Variants in GLRA3 observed in about 807,000 individuals in gnomAD.
GLRA3 encodes glycine receptor subunit alpha-3.
In GLRA3, 44 loss-of-function variants were observed where a neutral mutation model predicts 60.4. That is an observed-to-expected ratio of 0.73 (90% CI 0.57 to 0.94). GLRA3 has a LOEUF of 0.94. GLRA3 is among the 40% of genes least tolerant of loss of function. The pLI is 0.00. For synonymous variants in GLRA3, 223 were observed against 192.9 expected, an observed-to-expected ratio of 1.16 and a Z score of -1.29; for missense variants, 508 against 564.6, an observed-to-expected ratio of 0.90 and a Z score of 1.02.
chr4:174,815,284 A>T (rs910807304), intron 1 of GLRA3, among the ~76,000 whole-genome samples: 4 of 151,830 alleles, frequency 2.6e-5, no homozygotes, highest in African/African-American at 9.7e-5. Flanking sequence ...GTATAGCCCC[A>T]CTCCTGGCTG....
In GLRA3 at chr4:174,753,191, C is replaced by T. The variant is rs1243612747; in HGVS notation, c.267+13772G>A. The stretch of plus-strand genomic sequence containing the variant: ...TTGACAGGACACTTGTGGCACAGCC[C>T]CAGGTTCTTGTCAGTCTGGCATGTT... On this transcript the variant is annotated intron_variant, in intron 3 of 9. Transcript: ENST00000274093. 2.6e-5 allele frequency among the ~76,000 whole-genome samples: 4 copies of T among 152,258 alleles called. No homozygotes were observed. In the East Asian group the frequency reaches 7.7e-4, roughly 29 times the overall value.
At chr4:174,646,764 G>C (rs1732835800) in intron 9 of GLRA3, among the ~76,000 whole-genome samples, 1 of 152,144 alleles carries the variant, frequency 6.6e-6, no homozygotes, top group Non-Finnish European at 1.5e-5. Context: ...ATCCTCCTAG[G>C]GGGCTGAGTG....
At chr4:174,667,038 CG>C (rs1364879040) in intron 7 of GLRA3, among the ~76,000 whole-genome samples, 1 of 151,980 alleles carries the variant, frequency 6.6e-6, no homozygotes, top group Non-Finnish European at 1.5e-5. Context: ...TACTTTGAGT[CG>C]AATGCTGACC....
intron 5 of GLRA3, among the ~76,000 whole-genome samples, chr4:174,702,115 G>A (rs1005748585): frequency 2.0e-5 from 3 of 152,104 alleles, no homozygotes; most frequent in African/African-American, 7.2e-5. Context: ...TTAATGAAAG[G>A]AAGAGTCACT....
chr4:174,825,135 A>G (rs1373663862), intron 1 of GLRA3, among the ~76,000 whole-genome samples: 2 of 152,086 alleles, frequency 1.3e-5, no homozygotes, highest in African/African-American at 4.8e-5. Flanking sequence ...ATTTTCAGGG[A>G]AAAAGGGAAG....
intron 7 of GLRA3, among the ~76,000 whole-genome samples, chr4:174,670,812 T>A (rs999867718): frequency 6.6e-6 from 1 of 152,120 alleles, no homozygotes; most frequent in South Asian, 2.1e-4. Flanking sequence ...GGTCCTAAGA[T>A]GAAATGTAGA....
chr4:174,713,604 T>G lies in GLRA3; in HGVS notation c.574+1884A>C, dbSNP rs538615627. On this transcript the variant is annotated intron_variant, in intron 5 of 9. Coordinates refer to ENST00000274093, the MANE Select transcript of GLRA3 (RefSeq NM_006529.4). ...TTTCAAGTACCTTACAAAACTTTCT[T>G]TGCAGCATTTGATTTTGTTACACAG... 6 of 152,334 alleles carry G rather than the reference T, an allele frequency of 3.9e-5. No homozygotes were observed. In the East Asian group the frequency reaches 7.7e-4, roughly 20 times the overall value. 9.4% of individuals were successfully genotyped at this position (152,334 alleles called of 1,614,324 possible).
intron 7 of GLRA3, 152 bp downstream of exon 7, chr4:174,676,926 A>G (rs1054277552): frequency 7.1e-6 from 4 of 561,306 alleles, no homozygotes; most frequent in Admixed American, 6.0e-5. Context: ...TTTCTGTTTT[A>G]CATGTTTTCT....
At chr4:174,765,934 G>A (rs1738121029) in intron 3 of GLRA3, among the ~76,000 whole-genome samples, 1 of 145,316 alleles carries the variant, frequency 6.9e-6, no homozygotes, top group Admixed American at 7.1e-5. Flanking sequence ...GCATACATGA[G>A]GGAAACAGCT....
chr4:174,735,180 AG>A (rs1279275327), intron 3 of GLRA3, among the ~76,000 whole-genome samples: 1 of 150,976 alleles, frequency 6.6e-6, no homozygotes, highest in African/African-American at 2.4e-5. Flanking sequence ...TAAAAAAAAA[AG>A]GCTAGATAAC....
chr4:174,712,680 C>T (rs1735756772), intron 5 of GLRA3: 1 of 152,034 alleles, frequency 6.6e-6, no homozygotes, highest in Non-Finnish European at 1.5e-5. Flanking sequence ...AGATTTCATT[C>T]AAAAGTGGAC....
At chr4:174,694,164 T>A (rs751845585) in intron 5 of GLRA3, among the ~76,000 whole-genome samples, 14 of 152,236 alleles carry the variant, frequency 9.2e-5, no homozygotes, top group Middle Eastern at 3.4e-3. Context: ...CCACTGACAG[T>A]ATTAGTCAGA....
At chr4:174,823,991 CA>C (rs1413374557) in intron 1 of GLRA3, among the ~76,000 whole-genome samples, 4 of 152,154 alleles carry the variant, frequency 2.6e-5, no homozygotes, top group African/African-American at 7.2e-5. Context: ...TCATCGTTGA[CA>C]AATGTATTTT....
At chr4:174,773,242 C>T (rs979846011) in intron 2 of GLRA3, among the ~76,000 whole-genome samples, 1 of 151,824 alleles carries the variant, frequency 6.6e-6, no homozygotes, top group Non-Finnish European at 1.5e-5. Flanking sequence ...TTGTTCACGA[C>T]TTTAGGCATA....
intron 1 of GLRA3, among the ~76,000 whole-genome samples, chr4:174,791,654 T>C (rs1321452343): frequency 1.3e-5 from 2 of 152,342 alleles, no homozygotes; most frequent in East Asian, 1.9e-4. Flanking sequence ...CTTAAAATAG[T>C]TGATTTGAAG....
chr4:174,704,536 G>A (rs931111022), intron 5 of GLRA3, among the ~76,000 whole-genome samples: 1 of 142,644 alleles, frequency 7.0e-6, no homozygotes, highest in Non-Finnish European at 1.6e-5. Context: ...AAAAAATATG[G>A]CTGCTTTTTA....
intron 8 of GLRA3, among the ~76,000 whole-genome samples, chr4:174,657,438 T>G (rs1733254142): frequency 6.6e-6 from 1 of 152,090 alleles, no homozygotes; most frequent in South Asian, 2.1e-4. Context: ...GGTAAAGAAA[T>G]GGAAAACCAA....
chr4:174,812,841 T>G (rs1186601230), intron 1 of GLRA3, among the ~76,000 whole-genome samples: 71 of 152,252 alleles, frequency 4.7e-4, no homozygotes, highest in Non-Finnish European at 1.2e-4. Flanking sequence ...TCCTCCGTCT[T>G]TTTTTCCTAC....
intron 3 of GLRA3, among the ~76,000 whole-genome samples, chr4:174,746,285 A>G (rs951784180): frequency 6.6e-6 from 1 of 152,334 alleles, no homozygotes; most frequent in Middle Eastern, 3.4e-3. Context: ...AATGTGTCAT[A>G]TATACACCAT....
Sources: allele counts gnomAD v4.1 joint callset (sites outside exome capture counted in the v4.1 genomes callset), GRCh38; gene constraint gnomAD v4.1.1; transcripts MANE v1.5; gene names NCBI Gene and HGNC (gene_info 2026-07-23, HGNC 2026-07-21).